The following MRRF variants were observed in gnomAD, a reference collection of about 807,000 sequenced individuals.
The protein encoded by MRRF is mitochondrial ribosome recycling factor.
MRRF carries 18 observed loss-of-function variants against 25.1 expected under a neutral mutation model. That is an observed-to-expected ratio of 0.72 (90% confidence interval 0.50 to 1.06). The LOEUF is 1.06. Ranked by LOEUF, MRRF falls within the 50% of genes least tolerant of loss-of-function variation. The pLI, the probability that MRRF is intolerant of heterozygous loss-of-function variation, is 0.00. For synonymous variants in MRRF, 113 were observed against 112.1 expected (o/e 1.01, Z -0.05); for missense variants, 323 against 319.3 (o/e 1.01, Z -0.09).
chr9:122,273,661 G>C (rs1367363223), intron 2 of MRRF, among the ~76,000 whole-genome samples: 1 of 152,020 alleles, frequency 6.6e-6, no homozygotes, highest in African/African-American at 2.4e-5. Context: ...TCAATAAATA[G>C]ACTGTCACTT....
chr9:122,311,652 T>C (rs564792728), intron 5 of MRRF, among the ~76,000 whole-genome samples: 2 of 152,364 alleles, frequency 1.3e-5, no homozygotes, highest in South Asian at 2.1e-4. Context: ...ATTTAAAATA[T>C]AACATTGTAG....
chr9:122,271,034 C>T lies in MRRF; in HGVS notation c.143C>T (p.Ser48Leu). ...QHGHRQYMAY[S>L]AVPVRHFATK... Reference sequence around the variant, plus strand: ...GGCCATAGGCAATACATGGCCTATTCAGCTGTACCAGTCCGCCATTTTGCT... The same window carrying T: ...GGCCATAGGCAATACATGGCCTATTTAGCTGTACCAGTCCGCCATTTTGCT... Residue 48 changes from serine to leucine, a missense_variant, in exon 2 of 7, where the codon TCA becomes TTA. By Grantham distance (145) the Ser-to-Leu change is moderately radical. Transcript: ENST00000344641. 6.2e-7 allele frequency: 1 copy of T among 1,614,194 alleles called. No individual in the cohort carries two copies. Among genetic ancestry groups the T allele is most frequent in the Non-Finnish European group, 8.5e-7 (1 of 1,180,020 alleles).
At chr9:122,283,637 C>T (rs539638996) in intron 3 of MRRF, among the ~76,000 whole-genome samples, 1 of 152,314 alleles carries the variant, frequency 6.6e-6, no homozygotes, top group Non-Finnish European at 1.5e-5. Flanking sequence ...TATCTCAAAT[C>T]AGATCTTTGG....
intron 4 of MRRF, among the ~76,000 whole-genome samples, chr9:122,290,329 T>G (rs143784966): frequency 3.9e-4 from 60 of 152,240 alleles, no homozygotes; most frequent in Non-Finnish European, 5.0e-4. Flanking sequence ...ATGAAGAGAC[T>G]TGGTTATGTC....
chr9:122,272,850 T>C (rs1832543720), intron 2 of MRRF, among the ~76,000 whole-genome samples: 1 of 152,216 alleles, frequency 6.6e-6, no homozygotes, highest in South Asian at 2.1e-4. Flanking sequence ...AAAGTTTCCT[T>C]TCCAGATGGA....
chr9:122,277,177 G>T (rs965794630), intron 2 of MRRF, among the ~76,000 whole-genome samples: 4 of 152,026 alleles, frequency 2.6e-5, no homozygotes, highest in African/African-American at 9.7e-5. Context: ...TCTTTTAATT[G>T]TATTAATTTT....
Position 122,328,861 on chromosome 9 carries a change from T to C in MRRF, c.*6244T>C, listed in dbSNP as rs1419868032. Reference sequence around the variant, plus strand: ...TTTGTCTCTCTCTCTCTCTCTTTTTTTTTTAATAAGAGATGAGGGGTCTCC... The same window carrying C: ...TTTGTCTCTCTCTCTCTCTCTTTTTCTTTTAATAAGAGATGAGGGGTCTCC... On this transcript the variant is annotated 3_prime_UTR_variant, in exon 7 of 7. Coordinates refer to ENST00000344641, the MANE Select transcript of MRRF (RefSeq NM_138777.5). 1 of 152,100 alleles carries C rather than the reference T, an allele frequency of 6.6e-6. No homozygotes were observed. Among genetic ancestry groups the C allele is most frequent in the African/African-American group, 2.4e-5 (1 of 41,410 alleles). The allele number at this position is 152,100 out of a possible 1,614,324, so 9.4% of individuals were successfully genotyped here.
chr9:122,317,067 A>AATATATAT (rs71847269), intron 6 of MRRF, among the ~76,000 whole-genome samples: 20 of 145,448 alleles, frequency 1.4e-4, no homozygotes, highest in Non-Finnish European at 2.3e-4. Flanking sequence ...GGTTGCAGTG[A>AATATATAT]ATATATATAT....
chr9:122,303,738 C>T (rs776637640), intron 5 of MRRF, among the ~76,000 whole-genome samples: 53 of 152,056 alleles, frequency 3.5e-4, no homozygotes, highest in Non-Finnish European at 1.2e-4. Flanking sequence ...ACTAGGGATC[C>T]GAAAGTTTAA....
intron 5 of MRRF, among the ~76,000 whole-genome samples, chr9:122,304,654 C>A (rs1055469623): frequency 2.6e-4 from 39 of 152,202 alleles, no homozygotes; most frequent in African/African-American, 9.4e-4. Context: ...GATCACTATT[C>A]CATTGCATTC....
intron 6 of MRRF, among the ~76,000 whole-genome samples, chr9:122,316,301 G>A (rs1425411237): frequency 1.5e-4 from 23 of 151,912 alleles, no homozygotes; most frequent in African/African-American, 2.7e-4. Flanking sequence ...TCAGACTCCC[G>A]AGTAGCTGGG....
intron 1 of MRRF, among the ~76,000 whole-genome samples, chr9:122,270,047 A>C (rs1832354675): frequency 6.6e-6 from 1 of 152,214 alleles, no homozygotes. Flanking sequence ...GATTTAAAAA[A>C]AAAAATAAGG....
intron 2 of MRRF, among the ~76,000 whole-genome samples, chr9:122,271,999 G>A (rs1049429738): frequency 1.3e-5 from 2 of 152,138 alleles, no homozygotes; most frequent in Non-Finnish European, 2.9e-5. Context: ...ATGCTTAGAA[G>A]AGTTATATTC....
chr9:122,273,652 CAATA>C (rs778920329), intron 2 of MRRF, among the ~76,000 whole-genome samples: 2 of 152,066 alleles, frequency 1.3e-5, no homozygotes, highest in Non-Finnish European at 2.9e-5. Flanking sequence ...TTACCCAAAT[CAATA>C]AATAGACTGT....
rs373717918 is a variant in MRRF at position 122,322,573 on chromosome 9, C to G, written c.745C>G (p.Leu249Val). 4.0e-5 allele frequency: 64 copies of G among 1,614,054 alleles called. 1 individual carries two copies. Among genetic ancestry groups the G allele is most frequent in the Non-Finnish European group, 5.1e-5 (60 of 1,180,048 alleles). ...SQMADDTVAE[L>V]DRHLAVKTKE... ...AATGGCCGATGACACAGTGGCAGAA[C>G]TGGACAGGCATCTGGCAGTGAAGAC... Residue 249 changes from leucine to valine, a missense_variant, in exon 7 of 7, where the codon CTG becomes GTG. Physicochemically the swap from Leu to Val is conservative, Grantham distance 32. Transcript: ENST00000344641.
intron 4 of MRRF, chr9:122,286,070 C>G: frequency 7.8e-7 from 1 of 1,284,936 alleles, no homozygotes; most frequent in South Asian, 1.2e-5. Flanking sequence ...CTTAGAGTAC[C>G]TGGAATCCGG....
Position 122,322,673 on chromosome 9 carries a change from T to TGGC in MRRF, c.*57_*59dup, listed in dbSNP as rs940849714. ...CCCAGTTTCTGCTGGATCCCATGGG[T>TGGC]GGCACATTGGGACTTCTCTCCCTCC... On this transcript the variant is annotated 3_prime_UTR_variant, in exon 7 of 7. Transcript: ENST00000344641. 83 of 1,491,812 alleles carry TGGC rather than the reference T, an allele frequency of 5.6e-5. No homozygotes were observed. The highest frequency in any genetic ancestry group is 7.1e-5 in the Non-Finnish European group (76 of 1,071,582). 92.4% of individuals were successfully genotyped at this position (1,491,812 alleles called of 1,614,324 possible). A position where few individuals can be genotyped will look rare whatever the true frequency, so the allele number is the denominator to read the frequency against.
At chr9:122,307,849 C>T (rs1834950776) in intron 5 of MRRF, among the ~76,000 whole-genome samples, 1 of 152,194 alleles carries the variant, frequency 6.6e-6, no homozygotes, top group South Asian at 2.1e-4. Context: ...AGTTGAGTGT[C>T]TGTTGCATTA....
intron 5 of MRRF, among the ~76,000 whole-genome samples, chr9:122,310,428 C>T (rs1336328376): frequency 6.6e-6 from 1 of 152,226 alleles, no homozygotes; most frequent in Admixed American, 6.5e-5. Context: ...TTTTCAGCTT[C>T]ATGCTGTCCC....
Sources: gnomAD v4.1 joint callset for allele counts (sites outside exome capture counted in the v4.1 genomes callset) on GRCh38, gnomAD v4.1.1 for gene constraint, MANE v1.5 for transcripts, NCBI Gene and HGNC (gene_info 2026-07-23, HGNC 2026-07-21) for gene names.